Variants in SCML4 observed in about 807,000 individuals in gnomAD.
The protein encoded by SCML4 is Scm polycomb group protein like 4.
Under a neutral mutation model 41.1 loss-of-function variants are expected in SCML4, and 34 were observed. The observed-to-expected ratio is 0.83, with a 90% confidence interval of 0.63 to 1.10. The LOEUF (loss-of-function observed/expected upper bound fraction) is 1.10. Ranked by LOEUF, SCML4 falls within the 50% of genes least tolerant of loss-of-function variation. The pLI, the probability that SCML4 is intolerant of heterozygous loss-of-function variation, is 0.00. For synonymous variants in SCML4, 214 were observed against 220.9 expected, an observed-to-expected ratio of 0.97 and a Z score of 0.28; for missense variants, 522 against 534.1, an observed-to-expected ratio of 0.98 and a Z score of 0.22.
At chr6:107,762,984 G>T (rs1260521130) in intron 2 of SCML4, among the ~76,000 whole-genome samples, 1 of 139,024 alleles carries the variant, frequency 7.2e-6, no homozygotes, top group Non-Finnish European at 1.5e-5. Context: ...CTGGGCTCAA[G>T]CAATCCTTCC....
chr6:107,718,641 G>A (rs184182987), intron 6 of SCML4: 5 of 152,354 alleles, frequency 3.3e-5, no homozygotes, highest in Admixed American at 2.6e-4. Context: ...GGACTGAACA[G>A]GGCAGACTGT....
intron 2 of SCML4, among the ~76,000 whole-genome samples, chr6:107,762,839 G>C (rs572029980): frequency 7.3e-6 from 1 of 137,192 alleles, no homozygotes; most frequent in Non-Finnish European, 1.6e-5. Flanking sequence ...CTAGTTTGTT[G>C]TGTTTTGTTA....
chr6:107,739,258 A>C (rs1202201482), intron 5 of SCML4, among the ~76,000 whole-genome samples: 2 of 152,044 alleles, frequency 1.3e-5, no homozygotes, highest in African/African-American at 2.4e-5. Flanking sequence ...GATTTAATTC[A>C]ATCTACCTTT....
In SCML4 at chr6:107,717,143, C is replaced by CAAAAAAAAA. The variant is rs546258538; in HGVS notation, c.973+3551_973+3559dup. ...TGAAACCCCGTCTCTACTAAAAATA[C>CAAAAAAAAA]AAAAAAAAAAAAAAAAAAAAAAAAA... On this transcript the variant is annotated intron_variant, in intron 6 of 7. Transcript: ENST00000369020. Among the ~76,000 whole-genome samples the CAAAAAAAAA allele has an allele frequency of 2.0e-4, 13 of 63,536 alleles. 1 individual carries two copies. Among genetic ancestry groups the CAAAAAAAAA allele is most frequent in the East Asian group, 6.3e-4 (1 of 1,592 alleles). 41.7% of individuals were successfully genotyped at this position (63,536 alleles called of 152,430 possible).
rs1035666261 is a variant in SCML4, at chr6:107,797,771, T to C, written c.-59-25385A>G. On this transcript the variant is annotated intron_variant, in intron 1 of 7. Coordinates refer to ENST00000369020, the MANE Select transcript of SCML4 (RefSeq NM_198081.5). ...GTTATCTTTAGGTATTCATAGATGC[T>C]CTTTATCAAATTGAGAAACTTTCTT... Among the ~76,000 whole-genome samples the C allele has an allele frequency of 1.2e-4, 18 of 152,032 alleles. 1 individual carries two copies. Among genetic ancestry groups the C allele is most frequent in the African/African-American group, 3.8e-4 (16 of 41,572 alleles).
At chr6:107,789,881 A>G (rs1241208594) in intron 1 of SCML4, among the ~76,000 whole-genome samples, 1 of 152,242 alleles carries the variant, frequency 6.6e-6, no homozygotes, top group African/African-American at 2.4e-5. Flanking sequence ...TGAATAAATG[A>G]ATTAATAAAA....
At chr6:107,804,248 C>CGTGCGTGTGT (rs1554223034) in intron 1 of SCML4, among the ~76,000 whole-genome samples, 1 of 150,646 alleles carries the variant, frequency 6.6e-6, no homozygotes, top group African/African-American at 2.4e-5. Flanking sequence ...AAACATGAAA[C>CGTGCGTGTGT]GTGTGTGTGT....
chr6:107,742,501 A>C (rs1370096691), intron 5 of SCML4, among the ~76,000 whole-genome samples: 2 of 152,334 alleles, frequency 1.3e-5, no homozygotes, highest in East Asian at 3.9e-4. Flanking sequence ...TATAATCATC[A>C]AACTCTCAAA....
the SCML4 span, among the ~76,000 whole-genome samples, chr6:107,831,559 G>A: frequency 2.9e-3 from 446 of 152,250 alleles, 2 homozygotes; most frequent in Non-Finnish European, 4.7e-3. Context: ...ACTGGGACTG[G>A]AGAATAGAGG....
chr6:107,712,637 G>A (rs1041301613), intron 6 of SCML4, among the ~76,000 whole-genome samples: 5 of 152,188 alleles, frequency 3.3e-5, no homozygotes, highest in African/African-American at 1.2e-4. Flanking sequence ...AGGGCAGCAG[G>A]CAGCCTAAGT....
At chr6:107,743,064 T>G (rs572862097) in intron 5 of SCML4, among the ~76,000 whole-genome samples, 2 of 152,332 alleles carry the variant, frequency 1.3e-5, no homozygotes, top group South Asian at 2.1e-4. Context: ...ACTGCAGGAT[T>G]GTTTTTTCAT....
intron 2 of SCML4, 102 bp downstream of exon 2, chr6:107,772,070 A>G (rs1780561167): frequency 9.7e-7 from 1 of 1,029,190 alleles, no homozygotes. Flanking sequence ...TCCTGTCTCT[A>G]CCAAGCTCCC....
At chr6:107,779,223 T>C (rs2114590083) in intron 1 of SCML4, among the ~76,000 whole-genome samples, 1 of 151,082 alleles carries the variant, frequency 6.6e-6, no homozygotes, top group South Asian at 2.1e-4. Context: ...TCCCCTCAGA[T>C]AGTCATTGTC....
At chr6:107,776,894 A>G (rs1780998313) in intron 1 of SCML4, among the ~76,000 whole-genome samples, 1 of 152,246 alleles carries the variant, frequency 6.6e-6, no homozygotes, top group Admixed American at 6.5e-5. Context: ...GTATGTATAT[A>G]TGTACATATA....
At chr6:107,720,481 G>T (rs1369203171) in intron 6 of SCML4, 2 of 1,284,300 alleles carry the variant, frequency 1.6e-6, no homozygotes, top group African/African-American at 3.0e-5. Flanking sequence ...TACGTATCCT[G>T]TGGCCTAGCC....
At position 107,705,111 on chromosome 6, in the gene SCML4, T is replaced by A. The variant is rs1362154213; in HGVS notation, c.*89A>T. 1 of 1,171,714 alleles carries A rather than the reference T, an allele frequency of 8.5e-7. No homozygotes were observed. The highest frequency in any genetic ancestry group is 1.2e-6 in the Non-Finnish European group (1 of 804,032). 72.6% of individuals were successfully genotyped at this position (1,171,714 alleles called of 1,614,324 possible). On this transcript the variant is annotated 3_prime_UTR_variant, in exon 8 of 8. Coordinates refer to ENST00000369020, the MANE Select transcript of SCML4 (RefSeq NM_198081.5). Reference sequence around the variant, plus strand: ...GGCTGTTAATTTTAAGAGGAGAGTCTAGTTTGTGATGTTGGCGGGATATTG... The same window carrying A: ...GGCTGTTAATTTTAAGAGGAGAGTCAAGTTTGTGATGTTGGCGGGATATTG...
chr6:107,725,920 T>C (rs1775913299), intron 5 of SCML4, among the ~76,000 whole-genome samples: 1 of 151,298 alleles, frequency 6.6e-6, no homozygotes, highest in Admixed American at 6.6e-5. Context: ...CTACTAAAAA[T>C]ACAAAAATAA....
At chr6:107,839,407 A>AAGAAAGAAAGAAAG in the SCML4 span, among the ~76,000 whole-genome samples, 13 of 146,368 alleles carry the variant, frequency 8.9e-5, no homozygotes, top group African/African-American at 3.0e-4. Context: ...GAAAGAAAGA[A>AAGAAAGAAAGAAAG]AGAGGAAGAA....
intron 2 of SCML4, among the ~76,000 whole-genome samples, chr6:107,759,279 G>A (rs933071965): frequency 1.8e-4 from 28 of 152,052 alleles, no homozygotes; most frequent in African/African-American, 6.0e-4. Flanking sequence ...GCAGTAAGCC[G>A]AGATTGCGCC....
Sources: gnomAD v4.1 joint callset for allele counts (sites outside exome capture counted in the v4.1 genomes callset) on GRCh38, gnomAD v4.1.1 for gene constraint, MANE v1.5 for transcripts, NCBI Gene and HGNC (gene_info 2026-07-23, HGNC 2026-07-21) for gene names.